The following FGF13 variants were observed in gnomAD, a reference collection of about 807,000 sequenced individuals.
The protein encoded by FGF13 is fibroblast growth factor 13, also known as fibroblast growth factor homologous factor 2.
A neutral mutation model predicts 19.5 loss-of-function variants in FGF13; 2 were observed. The ratio of observed to expected loss-of-function variants is 0.10; its 90% CI spans 0.04 to 0.32. FGF13 has a LOEUF of 0.32. Among genes scored for constraint, FGF13 ranks in the 10% least tolerant of loss-of-function variants. The pLI is 1.00. For missense variants in FGF13, 113 were observed against 192.7 expected, an observed-to-expected ratio of 0.59 and a Z score of 2.45; for synonymous variants, 72 against 76.9, an observed-to-expected ratio of 0.94 and a Z score of 0.33.
intron 3 of FGF13, among the ~76,000 whole-genome samples, chrX:138,674,258 C>T (rs925514180): frequency 2.2e-4 from 24 of 111,230 alleles, no homozygotes; most frequent in African/African-American, 7.8e-4. Flanking sequence ...CTATTATTAT[C>T]CCCATATTAT....
At chrX:138,994,055 G>C (rs1253402743) in intron 1 of FGF13, among the ~76,000 whole-genome samples, 1 of 111,564 alleles carries the variant, frequency 9.0e-6, no homozygotes, top group African/African-American at 3.3e-5. Flanking sequence ...GAAATAGAAA[G>C]CCTCCAGTTT....
chrX:139,026,238 A>G (rs963391345), intron 1 of FGF13, among the ~76,000 whole-genome samples: 5 of 110,780 alleles, frequency 4.5e-5, no homozygotes, highest in Non-Finnish European at 9.5e-5. Context: ...ATACAATTTT[A>G]TTTTTTTTAA....
intron 3 of FGF13, among the ~76,000 whole-genome samples, chrX:138,788,210 C>A (rs2090709113): frequency 8.9e-6 from 1 of 112,180 alleles, no homozygotes; most frequent in African/African-American, 3.2e-5. Flanking sequence ...ACATTCCCTT[C>A]CAAAATGAAG....
At chrX:138,652,274 C>T (rs1474792259) in intron 3 of FGF13, among the ~76,000 whole-genome samples, 1 of 111,443 alleles carries the variant, frequency 9.0e-6, no homozygotes, top group Non-Finnish European at 1.9e-5. Context: ...AGAGAGGCTT[C>T]CCCTGACCAT....
intron 1 of FGF13, among the ~76,000 whole-genome samples, chrX:139,057,446 G>A (rs778204097): frequency 1.4e-4 from 16 of 111,715 alleles, no homozygotes; most frequent in African/African-American, 2.6e-4. Flanking sequence ...AAATGGTGCC[G>A]TCACTTTGAA....
At chrX:139,162,794 T>C (rs7066216) in intron 1 of FGF13, among the ~76,000 whole-genome samples, 12,835 of 111,708 alleles carry the variant, frequency 0.11, 1,188 homozygotes, top group African/African-American at 0.32. Flanking sequence ...TGAAAAAAAG[T>C]TCATCATCAC....
intron 1 of FGF13, among the ~76,000 whole-genome samples, chrX:139,100,087 C>CACACACACACACAT (rs1556361858): frequency 1.9e-5 from 2 of 104,553 alleles, no homozygotes; most frequent in Non-Finnish European, 4.0e-5. Context: ...CACACACACA[C>CACACACACACACAT]ATAAACACAT....
intron 1 of FGF13, among the ~76,000 whole-genome samples, chrX:138,940,997 C>T (rs1231767561): frequency 3.6e-5 from 4 of 111,185 alleles, no homozygotes; most frequent in African/African-American, 1.3e-4. Context: ...AGAAGGCCTT[C>T]AATAAAATTT....
chrX:138,798,698 G>C (rs980660709), intron 3 of FGF13, among the ~76,000 whole-genome samples: 1 of 111,212 alleles, frequency 9.0e-6, no homozygotes, highest in Non-Finnish European at 1.9e-5. Context: ...CTTAACCTTT[G>C]CTTTTTTTGG....
intron 3 of FGF13, among the ~76,000 whole-genome samples, chrX:138,788,739 G>T (rs759902682): frequency 8.9e-6 from 1 of 111,849 alleles, no homozygotes; most frequent in South Asian, 3.8e-4. Flanking sequence ...TGACATCCAT[G>T]CTAATCTCCC....
In FGF13 at chrX:139,071,669, T is replaced by A. The variant is rs761496696; in HGVS notation, c.-113+131747A>T. 3.6e-5 allele frequency among the ~76,000 whole-genome samples: 4 copies of A among 111,413 alleles called. No individual in the cohort carries two copies. The South Asian group carries it at 1.5e-3, about 42-fold the overall frequency. ...TCCATTACAGTCCACCCTATAATAG[T>A]ACTTTTTATTAAGGACCTGTTATTC... On this transcript the variant is annotated intron_variant, in intron 1 of 2. Coordinates refer to the FGF13 transcript ENST00000421460.
chrX:138,655,002 G>A (rs2089421295), intron 3 of FGF13, among the ~76,000 whole-genome samples: 1 of 111,432 alleles, frequency 9.0e-6, no homozygotes, highest in Non-Finnish European at 1.9e-5. Flanking sequence ...TTTGAGGAGT[G>A]AGGCTGCTCC....
intron 1 of FGF13, among the ~76,000 whole-genome samples, chrX:139,006,285 A>T (rs772036608): frequency 1.8e-5 from 2 of 111,730 alleles, no homozygotes; most frequent in Non-Finnish European, 3.8e-5. Flanking sequence ...AGCATATTTG[A>T]AGTGCTGAAG....
intron 2 of FGF13, among the ~76,000 whole-genome samples, chrX:138,704,911 C>T (rs2089980015): frequency 8.9e-6 from 1 of 112,590 alleles, no homozygotes; most frequent in Admixed American, 9.4e-5. Context: ...TGTCATATCC[C>T]TTTCTGTTGA....
intron 2 of FGF13, among the ~76,000 whole-genome samples, chrX:138,705,329 T>C (rs1241923972): frequency 9.0e-6 from 1 of 111,370 alleles, no homozygotes; most frequent in African/African-American, 3.3e-5. Context: ...ACTGATTTGA[T>C]TTTCACCGTG....
At chrX:138,792,679 G>A (rs1474829095) in intron 3 of FGF13, among the ~76,000 whole-genome samples, 2 of 111,673 alleles carry the variant, frequency 1.8e-5, no homozygotes, top group East Asian at 5.6e-4. Context: ...AGAGAATCTG[G>A]AGACTGATGG....
intron 1 of FGF13, among the ~76,000 whole-genome samples, chrX:138,730,927 C>T (rs1270739239): frequency 9.0e-6 from 1 of 111,187 alleles, no homozygotes; most frequent in African/African-American, 3.3e-5. Flanking sequence ...GGCTGTATAA[C>T]TATCAGATAA....
chrX:139,203,109 T>TG (rs1329238851), intron 1 of FGF13, among the ~76,000 whole-genome samples: 1 of 111,359 alleles, frequency 9.0e-6, no homozygotes, highest in Admixed American at 9.4e-5. Context: ...CGGCAAAGGG[T>TG]GGGGGGGCGT....
At chrX:139,052,660 C>A (rs963806684) in intron 1 of FGF13, among the ~76,000 whole-genome samples, 1 of 111,390 alleles carries the variant, frequency 9.0e-6, no homozygotes, top group Non-Finnish European at 1.9e-5. Context: ...ACACTCCTGT[C>A]ATAAGCAGAT....
Sources: gnomAD v4.1 joint callset for allele counts (sites outside exome capture counted in the v4.1 genomes callset) on GRCh38, gnomAD v4.1.1 for gene constraint, MANE v1.5 for transcripts, NCBI Gene and HGNC (gene_info 2026-07-23, HGNC 2026-07-21) for gene names.